Variants in ERICH3 observed in about 807,000 individuals in gnomAD.
ERICH3 encodes glutamate-rich protein 3.
In ERICH3, 126 loss-of-function variants were observed where a neutral mutation model predicts 131.1. That is an observed-to-expected ratio of 0.96 (90% confidence interval 0.83 to 1.11). ERICH3 has a LOEUF of 1.11. Ranked by LOEUF, ERICH3 falls within the 50% of genes most tolerant of loss-of-function variation. ERICH3 has a pLI of 0.00. For synonymous variants in ERICH3, 695 were observed against 644.6 expected (o/e 1.08, Z -1.18); for missense variants, 2,050 against 1,810.7 (o/e 1.13, Z -2.40).
intron 7 of ERICH3, among the ~76,000 whole-genome samples, chr1:74,630,114 C>T (rs1649542375): frequency 6.6e-6 from 1 of 151,936 alleles, no homozygotes; most frequent in Non-Finnish European, 1.5e-5. Flanking sequence ...AGAATGTATC[C>T]CAGTAATACA....
intron 4 of ERICH3, 146 bp downstream of exon 4, chr1:74,642,881 A>C: frequency 1.7e-6 from 1 of 600,634 alleles, no homozygotes; most frequent in South Asian, 2.2e-5. Context: ...GATGGCTAAG[A>C]TTTAGGCTTG....
Position 74,630,783 on chromosome 1 carries a change from C to T in ERICH3, c.819+930G>A, listed in dbSNP as rs553011571. On this transcript the variant is annotated intron_variant, in intron 7 of 14. Coordinates refer to ENST00000326665, the MANE Select transcript of ERICH3 (RefSeq NM_001002912.5). ...AATGACAGATAGTATGAGCTACCAC[C>T]GACAGTGAAAGAGTATCTGATCAAA... Among the ~76,000 whole-genome samples, 3 of 151,880 alleles carry T rather than the reference C, an allele frequency of 2.0e-5. No individual in the cohort carries two copies. The East Asian group carries it at 5.8e-4, about 29-fold the overall frequency.
intron 1 of ERICH3, among the ~76,000 whole-genome samples, chr1:74,660,721 C>G (rs960149195): frequency 6.7e-6 from 1 of 149,360 alleles, no homozygotes; most frequent in Non-Finnish European, 1.5e-5. Context: ...TACATATACA[C>G]ATAAATACTT....
At chr1:74,632,364 G>A (rs1646347453) in intron 6 of ERICH3, among the ~76,000 whole-genome samples, 2 of 151,884 alleles carry the variant, frequency 1.3e-5, no homozygotes, top group Admixed American at 6.6e-5. Context: ...AAACAAACTG[G>A]CATGTACTGT....
chr1:74,581,587 C>T (rs903588609), intron 12 of ERICH3, among the ~76,000 whole-genome samples: 1 of 152,058 alleles, frequency 6.6e-6, no homozygotes, highest in African/African-American at 2.4e-5. Flanking sequence ...TAATTTATAG[C>T]TTTATTGCAC....
In ERICH3 at chr1:74,573,337, TC is replaced by T; in HGVS notation, c.2372del (p.Gly791GlufsTer19). On this transcript the variant is annotated frameshift_variant, in exon 14 of 15. Coordinates refer to ENST00000326665, the MANE Select transcript of ERICH3 (RefSeq NM_001002912.5). LOFTEE classifies it high-confidence loss of function. ...PQHRDADIVQ[G>X]KGEAALWGEA... Reference sequence around the variant, plus strand: ...CTCCCCACAGTGCTGCCTCCCCTTTTCCCTGTACTATGTCAGCATCTCTGTG... The same window carrying T: ...CTCCCCACAGTGCTGCCTCCCCTTTTCCTGTACTATGTCAGCATCTCTGTG... The T allele has an allele frequency of 3.1e-6, 5 of 1,610,540 alleles. No individual in the cohort carries two copies. The highest frequency in any genetic ancestry group is 1.3e-5 in the African/African-American group (1 of 74,850).
intron 11 of ERICH3, among the ~76,000 whole-genome samples, chr1:74,596,431 G>T: frequency 6.6e-6 from 1 of 151,884 alleles, no homozygotes; most frequent in Non-Finnish European, 1.5e-5. Context: ...TCAAATTGGG[G>T]TAATTACATA....
At chr1:74,631,062 C>T (rs1224873921) in intron 7 of ERICH3, among the ~76,000 whole-genome samples, 1 of 152,030 alleles carries the variant, frequency 6.6e-6, no homozygotes, top group Admixed American at 6.6e-5. Context: ...CACTTCACTT[C>T]CTGATGGTCA....
intron 11 of ERICH3, 25 bp downstream of exon 11, chr1:74,599,670 T>C: frequency 6.5e-7 from 1 of 1,545,806 alleles, no homozygotes; most frequent in African/African-American, 1.4e-5. Flanking sequence ...ACAGCCTATG[T>C]TACATGATAA....
At chr1:74,602,969 T>C (rs2100582586) in intron 10 of ERICH3, among the ~76,000 whole-genome samples, 1 of 152,066 alleles carries the variant, frequency 6.6e-6, no homozygotes, top group South Asian at 2.1e-4. Context: ...AAATCTTTTG[T>C]AAAAGATTCA....
intron 9 of ERICH3, among the ~76,000 whole-genome samples, chr1:74,610,203 T>C (rs1648619866): frequency 6.6e-6 from 1 of 151,842 alleles, no homozygotes; most frequent in African/African-American, 2.4e-5. Flanking sequence ...TATCTTGCCC[T>C]AGGCCATTCA....
At position 74,572,180 on chromosome 1, in the gene ERICH3, CCTT is replaced by C. The variant is rs758000822; in HGVS notation, c.3527_3529del (p.Glu1176del). ...GGCTTCACTCAGTCTTTCCCCTCCT[CCTT>C]CTTTCCTCAGAGCTGTTATGTTTTC... On this transcript the variant is annotated inframe_deletion, in exon 14 of 15. Coordinates refer to ENST00000326665, the MANE Select transcript of ERICH3 (RefSeq NM_001002912.5). The C allele has an allele frequency of 1.2e-4, 200 of 1,604,358 alleles. No individual in the cohort carries two copies. The highest frequency in any genetic ancestry group is 1.6e-4 in the Non-Finnish European group (186 of 1,173,704).
intron 1 of ERICH3, among the ~76,000 whole-genome samples, chr1:74,651,981 G>A (rs1471465247): frequency 6.6e-6 from 1 of 152,108 alleles, no homozygotes; most frequent in African/African-American, 2.4e-5. Flanking sequence ...CGTCAAGCAG[G>A]TCCAGTTGGG....
chr1:74,591,252 T>A (rs1024991660), intron 11 of ERICH3, among the ~76,000 whole-genome samples: 2 of 152,082 alleles, frequency 1.3e-5, no homozygotes, highest in Non-Finnish European at 2.9e-5. Flanking sequence ...GGAGAACTCT[T>A]AAGGGAGTAG....
chr1:74,590,101 G>T, intron 11 of ERICH3, 21 bp from the exon 12 acceptor site: 1 of 1,532,014 alleles, frequency 6.5e-7, no homozygotes, highest in South Asian at 1.2e-5. Context: ...TAAAAGTGAT[G>T]ACATTGTTGT....
intron 12 of ERICH3, among the ~76,000 whole-genome samples, chr1:74,583,404 T>G: frequency 6.6e-6 from 1 of 152,270 alleles, no homozygotes. Flanking sequence ...CATAAGAGAT[T>G]AACAACAATA....
intron 1 of ERICH3, among the ~76,000 whole-genome samples, chr1:74,666,333 A>G (rs1646692468): frequency 6.6e-6 from 1 of 152,198 alleles, no homozygotes; most frequent in South Asian, 2.1e-4. Context: ...AAATCTATAT[A>G]TCTACACTCT....
rs1247440579 is a variant in ERICH3 at position 74,627,320 on chromosome 1, G to A, written c.819+4393C>T. Among the ~76,000 whole-genome samples the A allele has an allele frequency of 2.0e-5, 3 of 152,096 alleles. No homozygotes were observed. In the South Asian group the frequency reaches 6.2e-4, roughly 32 times the overall value. On this transcript the variant is annotated intron_variant, in intron 7 of 14. Transcript: ENST00000326665. The stretch of plus-strand genomic sequence containing the variant: ...AAAGAATCACAAAGGAGTAGGACAA[G>A]AGGTGAAAGGAGACCCCGAGGAAGC...
rs267598716 is a variant in ERICH3 at position 74,572,663 on chromosome 1, C to T, written c.3047G>A (p.Gly1016Glu). 1 of 1,614,026 alleles carries T rather than the reference C, an allele frequency of 6.2e-7. No homozygotes were observed. The highest frequency in any genetic ancestry group is 8.5e-7 in the Non-Finnish European group (1 of 1,179,988). ...AAGGAAGGCTTCCTTTGCAAGGCTTCCTTCCTCAGGGCTGCCCTCCGAAAC... is the reference window on the plus strand; with the variant it reads ...AAGGAAGGCTTCCTTTGCAAGGCTTTCTTCCTCAGGGCTGCCCTCCGAAAC... ...MQVSEGSPEEGSLAKEAFLCK... is the reference protein window; with the variant it reads ...MQVSEGSPEEESLAKEAFLCK... The change falls in exon 14 of 15, where the codon GGA (glycine) becomes GAA (glutamate). Residue 1016 changes from glycine (G) to glutamate (E), a missense_variant. Physicochemically the swap from Gly to Glu is moderately conservative, Grantham distance 98. Coordinates refer to ENST00000326665, the MANE Select transcript of ERICH3 (RefSeq NM_001002912.5).
Sources: gnomAD v4.1 joint callset for allele counts (sites outside exome capture counted in the v4.1 genomes callset) on GRCh38, gnomAD v4.1.1 for gene constraint, MANE v1.5 for transcripts, NCBI Gene and HGNC (gene_info 2026-07-23, HGNC 2026-07-21) for gene names.